The following FRAS1 variants were observed in gnomAD, a reference collection of about 807,000 sequenced individuals.
FRAS1 encodes the protein extracellular matrix organizing protein FRAS1.
In FRAS1, 290 loss-of-function variants were observed where a neutral mutation model predicts 435.2. That is an observed-to-expected ratio of 0.67 (90% CI 0.61 to 0.73). The LOEUF is 0.73. FRAS1 is among the 30% of genes least tolerant of loss of function. The pLI, the probability that FRAS1 is intolerant of heterozygous loss-of-function variation, is 0.00. For missense variants in FRAS1, 4,860 were observed against 5,001.5 expected (o/e 0.97, Z 0.85); for synonymous variants, 1,800 against 1,851.0 (o/e 0.97, Z 0.71).
chr4:78,530,797 G>A (rs933995033), intron 70 of FRAS1, among the ~76,000 whole-genome samples: 2 of 152,094 alleles, frequency 1.3e-5, no homozygotes, highest in African/African-American at 2.4e-5. Context: ...TGTTCTTTTT[G>A]CTTAGGATTG....
At chr4:78,136,252 C>T (rs1050084700) in intron 2 of FRAS1, among the ~76,000 whole-genome samples, 1 of 152,166 alleles carries the variant, frequency 6.6e-6, no homozygotes, top group African/African-American at 2.4e-5. Context: ...GTGAAAAGGA[C>T]ACTTGTCTAC....
Position 78,189,212 on chromosome 4 carries a change from A to G in FRAS1, c.109-48298A>G, listed in dbSNP as rs544076573. Among the ~76,000 whole-genome samples, 4 of 152,292 alleles carry G rather than the reference A, an allele frequency of 2.6e-5. No homozygotes were observed. The South Asian group carries it at 8.3e-4, about 32-fold the overall frequency. On this transcript the variant is annotated intron_variant, in intron 2 of 73. Coordinates refer to ENST00000512123, the MANE Select transcript of FRAS1 (RefSeq NM_025074.7). The stretch of plus-strand genomic sequence containing the variant: ...ATATCATGTCTCATTTAAATGCACA[A>G]TTGTGGATAATATTTTCATTAAACT...
rs530098346 is a variant in FRAS1, at chr4:78,097,821, G to A, written c.108+31805G>A. On this transcript the variant is annotated intron_variant, in intron 2 of 73. Coordinates refer to ENST00000512123, the MANE Select transcript of FRAS1 (RefSeq NM_025074.7). ...AACCTTAGTACTTCAGAATGTGTCT[G>A]CATTTTGAGATAGGGCCTCTAAAGA... Among the ~76,000 whole-genome samples the A allele has an allele frequency of 2.6e-5, 4 of 151,994 alleles. 1 individual carries two copies. The South Asian group carries it at 8.3e-4, about 32-fold the overall frequency.
Position 78,541,752 on chromosome 4 carries a change from G to A in FRAS1, c.*628G>A, listed in dbSNP as rs926960278. Reference sequence around the variant, plus strand: ...GTAAAATCCTCTGAAAACCACGGGAGCCTCTGCCTCCTCAGCCACAGAGAA... The same window carrying A: ...GTAAAATCCTCTGAAAACCACGGGAACCTCTGCCTCCTCAGCCACAGAGAA... On this transcript the variant is annotated 3_prime_UTR_variant, in exon 74 of 74. Transcript: ENST00000512123. 6.6e-6 allele frequency: 1 copy of A among 152,166 alleles called. No individual in the cohort carries two copies. The highest frequency in any genetic ancestry group is 2.4e-5 in the African/African-American group (1 of 41,410). 9.4% of individuals were successfully genotyped at this position (152,166 alleles called of 1,614,324 possible). A position where few individuals can be genotyped will look rare whatever the true frequency, so the allele number is the denominator to read the frequency against.
intron 67 of FRAS1, 36 bp from the exon 68 acceptor site, chr4:78,521,487 C>T (rs1262506832): frequency 6.6e-7 from 1 of 1,506,580 alleles, no homozygotes; most frequent in Non-Finnish European, 9.2e-7. Context: ...AGGAATTTTC[C>T]ATGCCCTAGC....
intron 2 of FRAS1, among the ~76,000 whole-genome samples, chr4:78,160,414 C>A (rs1721089152): frequency 6.6e-6 from 1 of 152,198 alleles, no homozygotes; most frequent in Non-Finnish European, 1.5e-5. Flanking sequence ...ATCCGACTTT[C>A]TGATTTCTCT....
rs773092419 is a variant in FRAS1, at chr4:78,249,064, C to CATATATATATATATATGCATATAT, written c.310-3312_310-3311insGCATATATATATATATATATATAT. On this transcript the variant is annotated intron_variant, in intron 4 of 73. Coordinates refer to ENST00000512123, the MANE Select transcript of FRAS1 (RefSeq NM_025074.7). ...AGAACTACTGATATATATATATATGCATATATATATATATATATATATGCA... is the reference window on the plus strand; with the variant it reads ...AGAACTACTGATATATATATATATGCATATATATATATATATGCATATATATATATATATATATATATATATGCA... 5.8e-3 allele frequency among the ~76,000 whole-genome samples: 97 copies of CATATATATATATATATGCATATAT among 16,596 alleles called. 5 individuals carry two copies. The highest frequency in any genetic ancestry group is 7.7e-3 in the African/African-American group (73 of 9,476). The allele number at this position is 16,596 out of a possible 152,430, so 10.9% of individuals were successfully genotyped here.
intron 4 of FRAS1, among the ~76,000 whole-genome samples, chr4:78,249,048 GATATATATATATATGCATATAT>G (rs1174044412): frequency 1.8e-4 from 5 of 27,530 alleles, no homozygotes; most frequent in South Asian, 4.4e-3. Context: ...AAGAACTACT[GATATATATATATATGCATATAT>G]ATATATATAT....
chr4:78,396,983 G>T (rs9991478), intron 29 of FRAS1, among the ~76,000 whole-genome samples: 21,221 of 152,036 alleles, frequency 0.14, 1,865 homozygotes, highest in African/African-American at 0.25. Flanking sequence ...AGATGTCCAC[G>T]GTGCTTCTTT....
At chr4:78,096,894 A>T (rs1259243649) in intron 2 of FRAS1, among the ~76,000 whole-genome samples, 1 of 152,228 alleles carries the variant, frequency 6.6e-6, no homozygotes, top group African/African-American at 2.4e-5. Flanking sequence ...TTACTTATGC[A>T]AATTTCTGCA....
chr4:78,506,240 C>G (rs1239276728), intron 61 of FRAS1, among the ~76,000 whole-genome samples: 3 of 152,242 alleles, frequency 2.0e-5, no homozygotes, highest in Non-Finnish European at 4.4e-5. Flanking sequence ...TGTCTGTTCT[C>G]TGAGCTCAAA....
intron 56 of FRAS1, among the ~76,000 whole-genome samples, chr4:78,480,677 G>C (rs953592395): frequency 6.6e-6 from 1 of 152,192 alleles, no homozygotes; most frequent in Non-Finnish European, 1.5e-5. Context: ...ACTTTCACAT[G>C]GTATTTCAGA....
chr4:78,431,602 A>G (rs1215895511), intron 37 of FRAS1, among the ~76,000 whole-genome samples: 2 of 152,322 alleles, frequency 1.3e-5, no homozygotes, highest in South Asian at 2.1e-4. Flanking sequence ...AAGAAGAGCA[A>G]TTTCACAACT....
chr4:78,195,707 C>A (rs1447791523), intron 2 of FRAS1, among the ~76,000 whole-genome samples: 1 of 152,182 alleles, frequency 6.6e-6, no homozygotes, highest in Admixed American at 6.5e-5. Context: ...ATTCCCCTGA[C>A]CCCTTGCGCT....
intron 9 of FRAS1, among the ~76,000 whole-genome samples, chr4:78,271,275 C>CT (rs58638839): frequency 6.6e-6 from 1 of 151,792 alleles, no homozygotes; most frequent in African/African-American, 2.4e-5. Context: ...CATTACCATT[C>CT]TTTTTTTTTT....
chr4:78,219,493 A>G (rs1245347695), intron 2 of FRAS1, among the ~76,000 whole-genome samples: 2 of 152,226 alleles, frequency 1.3e-5, no homozygotes, highest in Admixed American at 6.5e-5. Context: ...GATATCAGCC[A>G]GTTTCTAGGA....
intron 2 of FRAS1, among the ~76,000 whole-genome samples, chr4:78,208,392 C>A (rs1013360367): frequency 6.6e-6 from 1 of 152,144 alleles, no homozygotes; most frequent in Non-Finnish European, 1.5e-5. Context: ...GGTGCTTTAA[C>A]ACCCCCGCAA....
chr4:78,133,907 A>G (rs1175058646), intron 2 of FRAS1, among the ~76,000 whole-genome samples: 3 of 151,592 alleles, frequency 2.0e-5, no homozygotes, highest in Admixed American at 6.6e-5. Context: ...AATCCTCAGT[A>G]TATACCTATG....
intron 2 of FRAS1, among the ~76,000 whole-genome samples, chr4:78,088,518 C>T (rs1030358657): frequency 2.0e-5 from 3 of 152,054 alleles, no homozygotes; most frequent in Admixed American, 2.0e-4. Flanking sequence ...AAAATTTTTG[C>T]CACCTACTCA....
Sources: allele counts gnomAD v4.1 joint callset (sites outside exome capture counted in the v4.1 genomes callset), GRCh38; gene constraint gnomAD v4.1.1; transcripts MANE v1.5; gene names NCBI Gene and HGNC (gene_info 2026-07-23, HGNC 2026-07-21).